The following GRM5 variants were observed in gnomAD, a reference collection of about 807,000 sequenced individuals.
GRM5 encodes metabotropic glutamate receptor 5.
In GRM5, 19 loss-of-function variants were observed where a neutral mutation model predicts 83.1. That is an observed-to-expected ratio of 0.23 (90% confidence interval 0.16 to 0.34). GRM5 has a LOEUF of 0.34. Ranked by LOEUF, GRM5 falls within the 10% of genes least tolerant of loss-of-function variation. The pLI, the probability that GRM5 is intolerant of heterozygous loss-of-function variation, is 1.00. For synonymous variants in GRM5, 675 were observed against 633.6 expected (o/e 1.07, Z -0.98); for missense variants, 1,160 against 1,588.3 (o/e 0.73, Z 4.58).
chr11:88,586,152 A>C (rs963593540), intron 7 of GRM5, among the ~76,000 whole-genome samples: 1 of 152,128 alleles, frequency 6.6e-6, no homozygotes, highest in African/African-American at 2.4e-5. Flanking sequence ...TTATGTGTAA[A>C]AAAAGGAACC....
At chr11:88,666,058 C>A (rs1396375730) in intron 3 of GRM5, among the ~76,000 whole-genome samples, 3 of 152,110 alleles carry the variant, frequency 2.0e-5, no homozygotes, top group African/African-American at 7.2e-5. Context: ...ATATCTGAAG[C>A]AGATATTATT....
At chr11:88,598,331 A>G (rs990239039) in intron 5 of GRM5, among the ~76,000 whole-genome samples, 6 of 152,102 alleles carry the variant, frequency 3.9e-5, no homozygotes, top group African/African-American at 1.4e-4. Context: ...ACACAAACCA[A>G]TGTTCTGTAC....
chr11:88,585,770 A>C (rs1943301600), intron 7 of GRM5, among the ~76,000 whole-genome samples: 1 of 152,126 alleles, frequency 6.6e-6, no homozygotes. Flanking sequence ...ATTTGGAAAA[A>C]TTATCTCCAT....
chr11:88,999,915 A>C (rs1476234257), intron 2 of GRM5, among the ~76,000 whole-genome samples: 1 of 152,256 alleles, frequency 6.6e-6, no homozygotes, highest in African/African-American at 2.4e-5. Context: ...GCCATAAAAA[A>C]TGATGAGTTC....
chr11:89,033,946 T>C (rs1389519847), intron 2 of GRM5, among the ~76,000 whole-genome samples: 1 of 151,684 alleles, frequency 6.6e-6, no homozygotes, highest in Non-Finnish European at 1.5e-5. Context: ...ATCAATTCAG[T>C]CAAAGATGTT....
chr11:89,058,070 G>C (rs1349415936), intron 1 of GRM5, among the ~76,000 whole-genome samples: 2 of 152,014 alleles, frequency 1.3e-5, no homozygotes, highest in Non-Finnish European at 2.9e-5. Context: ...AACAAATAAT[G>C]AGGTCTCCCC....
rs147634864 is a variant in GRM5, at chr11:88,734,463, C to T, written c.912-81060G>A. 1.8e-3 allele frequency among the ~76,000 whole-genome samples: 272 copies of T among 152,046 alleles called. 2 individuals are homozygous for T. The highest frequency in any genetic ancestry group is 2.1e-3 in the Non-Finnish European group (142 of 67,954). ...CTACTTCTGGATATATATCTAAAAG[C>T]ATTGTAAGGAAGATCTCAAAGAGAC... is the stretch of plus-strand genomic sequence containing the variant. On this transcript the variant is annotated intron_variant, in intron 3 of 9. Transcript: ENST00000305447.
chr11:88,896,839 T>TTCC lies in GRM5; in HGVS notation c.662-46685_662-46684insGGA, dbSNP rs556464530. ...CTGGAGATTAGCCTGATTCTTAGAC[T>TTCC]AATCTCCAGAAACAACCTCAGAGAT... On this transcript the variant is annotated intron_variant, in intron 2 of 9. Coordinates refer to ENST00000305447, the MANE Select transcript of GRM5 (RefSeq NM_001143831.3). Among the ~76,000 whole-genome samples, 465 of 152,066 alleles carry TTCC rather than the reference T, an allele frequency of 3.1e-3. 3 individuals are homozygous for TTCC. The highest frequency in any genetic ancestry group is 0.01 in the African/African-American group (425 of 41,538).
intron 3 of GRM5, among the ~76,000 whole-genome samples, chr11:88,729,141 A>C (rs2135404386): frequency 6.6e-6 from 1 of 152,322 alleles, no homozygotes; most frequent in Admixed American, 6.5e-5. Flanking sequence ...ATCATAGCCC[A>C]AAATCTCCTT....
At chr11:88,756,277 AATT>A in intron 3 of GRM5, among the ~76,000 whole-genome samples, 1 of 152,296 alleles carries the variant, frequency 6.6e-6, no homozygotes, top group African/African-American at 2.4e-5. Context: ...TCAATACTCA[AATT>A]TACAGATGAC....
intron 3 of GRM5, among the ~76,000 whole-genome samples, chr11:88,805,605 T>G (rs1331296587): frequency 6.6e-6 from 1 of 152,194 alleles, no homozygotes; most frequent in Non-Finnish European, 1.5e-5. Context: ...AAAAAGAAAT[T>G]TCAATGCAAA....
chr11:88,908,861 A>G (rs1368528754), intron 2 of GRM5, among the ~76,000 whole-genome samples: 2 of 152,154 alleles, frequency 1.3e-5, no homozygotes, highest in African/African-American at 2.4e-5. Context: ...ACAAAGTGTG[A>G]GTTTACCTAT....
intron 3 of GRM5, among the ~76,000 whole-genome samples, chr11:88,721,061 AC>A (rs1941526715): frequency 6.6e-6 from 1 of 151,992 alleles, no homozygotes; most frequent in Non-Finnish European, 1.5e-5. Context: ...ACATTCTTTA[AC>A]CTTCCTGAAA....
chr11:88,699,085 C>T lies in GRM5; in HGVS notation c.912-45682G>A, dbSNP rs766504450. ...ACAATTCTGCATTAGTCTCCCATTC[C>T]GACAAAACAAAAAACAAAACAAAAA... On this transcript the variant is annotated intron_variant, in intron 3 of 9. Coordinates refer to ENST00000305447, the MANE Select transcript of GRM5 (RefSeq NM_001143831.3). Among the ~76,000 whole-genome samples, 65 of 114,368 alleles carry T rather than the reference C, an allele frequency of 5.7e-4. 1 individual carries two copies. In the Admixed American group the frequency reaches 6.0e-3, roughly 11 times the overall value. 75.0% of individuals were successfully genotyped at this position (114,368 alleles called of 152,430 possible).
rs1013100821 is a variant in GRM5 at position 88,761,113 on chromosome 11, T to C, written c.911+88793A>G. 2.6e-5 allele frequency among the ~76,000 whole-genome samples: 4 copies of C among 152,162 alleles called. No homozygotes were observed. In the East Asian group the frequency reaches 5.8e-4, roughly 22 times the overall value. Reference sequence around the variant, plus strand: ...AACACCATACTGACTGGGTAAAAGCTGGAAGCATTTGCTTTGAAAATCAGC... The same window carrying C: ...AACACCATACTGACTGGGTAAAAGCCGGAAGCATTTGCTTTGAAAATCAGC... On this transcript the variant is annotated intron_variant, in intron 3 of 9. Coordinates refer to ENST00000305447, the MANE Select transcript of GRM5 (RefSeq NM_001143831.3).
intron 7 of GRM5, among the ~76,000 whole-genome samples, 179 bp from the exon 8 acceptor site, chr11:88,568,171 T>A (rs1421622027): frequency 6.6e-6 from 1 of 152,224 alleles, no homozygotes; most frequent in Non-Finnish European, 1.5e-5. Flanking sequence ...TTAATGATGA[T>A]ATTACTGAAC....
intron 3 of GRM5, among the ~76,000 whole-genome samples, chr11:88,825,800 T>C (rs11021471): frequency 0.053 from 8,099 of 152,262 alleles, 398 homozygotes; most frequent in Admixed American, 0.16. Flanking sequence ...CTCAAGGAAA[T>C]TAAGGTGGCT....
At chr11:88,745,775 T>A (rs776810958) in intron 3 of GRM5, among the ~76,000 whole-genome samples, 2 of 152,288 alleles carry the variant, frequency 1.3e-5, no homozygotes, top group Non-Finnish European at 2.9e-5. Flanking sequence ...CTGCTTTTGG[T>A]AGGCTGTAGT....
intron 4 of GRM5, among the ~76,000 whole-genome samples, chr11:88,637,769 T>C (rs1218396434): frequency 1.8e-4 from 27 of 148,846 alleles, no homozygotes; most frequent in African/African-American, 6.6e-4. Flanking sequence ...GATCTAGAAC[T>C]AGAAATACCA....
Sources: allele counts gnomAD v4.1 joint callset (sites outside exome capture counted in the v4.1 genomes callset), GRCh38; gene constraint gnomAD v4.1.1; transcripts MANE v1.5; gene names NCBI Gene and HGNC (gene_info 2026-07-23, HGNC 2026-07-21).